Variants in GCDH observed in about 807,000 individuals in gnomAD.
The protein encoded by GCDH is glutaryl-CoA dehydrogenase, mitochondrial.
A neutral mutation model predicts 52.8 loss-of-function variants in GCDH; 31 were observed. The observed-to-expected ratio is 0.59, with a 90% CI of 0.44 to 0.79. The LOEUF (loss-of-function observed/expected upper bound fraction) is 0.79, where lower values mean the gene tolerates loss of function less well. Ranked by LOEUF, GCDH falls within the 30% of genes least tolerant of loss-of-function variation. The pLI, the probability that GCDH is intolerant of heterozygous loss-of-function variation, is 0.00. For synonymous variants in GCDH, 242 were observed against 250.0 expected (o/e 0.97, Z 0.30); for missense variants, 509 against 595.0 (o/e 0.86, Z 1.50).
In GCDH at chr19:12,896,300, G is replaced by A. The variant is rs201797364; in HGVS notation, c.731G>A (p.Gly244Asp). 6.2e-7 allele frequency: 1 copy of A among 1,614,128 alleles called. No homozygotes were observed. The highest frequency in any genetic ancestry group is 1.3e-5 in the African/African-American group (1 of 75,032). The change falls in exon 8 of 12, where the codon GGT becomes GAT. Residue 244 changes from glycine to aspartate, a missense_variant. Gly to Asp is a moderately conservative substitution (Grantham distance 94). Coordinates refer to ENST00000222214, the MANE Select transcript of GCDH (RefSeq NM_000159.4). This position sits in a 1 kb window ranked among gnomAD's most constrained non-coding sequence, Gnocchi z 5.5. ...RGFLLEKGMR[G>D]LSAPRIQGKF... is the part of the protein sequence containing the mutation. ...TTCCTGCTGGAGAAGGGGATGCGGG[G>A]TCTCTCGGCCCCCAGGATCCAGGGC... is the stretch of plus-strand genomic sequence containing the variant.
At chr19:12,895,491 C>A (rs1970651195) in intron 6 of GCDH, among the ~76,000 whole-genome samples, 1 of 152,006 alleles carries the variant, frequency 6.6e-6, no homozygotes. Context: ...GAACTCCAGA[C>A]CTCAAGTGAT....
chr19:12,894,062 C>G (rs1264835842), intron 6 of GCDH: 2 of 694,184 alleles, frequency 2.9e-6, no homozygotes, highest in Non-Finnish European at 5.0e-6. Context: ...AAGGAAAGAG[C>G]CTATGTGACC....
In GCDH at chr19:12,897,017, T is replaced by C; in HGVS notation, c.956+4T>C. 6.2e-7 allele frequency: 1 copy of C among 1,602,284 alleles called. No homozygotes were observed. The highest frequency in any genetic ancestry group is 8.5e-7 in the Non-Finnish European group (1 of 1,171,162). ...CCCGGCAGTACGCCCTCGACAGGTG[T>C]GTGAGGGCTGCAGTGAGATTCTCTG... On this transcript the variant is annotated splice_donor_region_variant and intron_variant, in intron 9 of 11. Transcript: ENST00000222214.
Position 12,896,317 on chromosome 19 carries a change from A to T in GCDH, c.748A>T (p.Ile250Phe), listed in dbSNP as rs1599615059. Residue 250 changes from isoleucine (I) to phenylalanine (F), a missense_variant, in exon 8 of 12, where the codon ATC (isoleucine) becomes TTC (phenylalanine). Physicochemically the swap from Ile to Phe is conservative, Grantham distance 21. Coordinates refer to ENST00000222214, the MANE Select transcript of GCDH (RefSeq NM_000159.4). This position sits in a 1 kb window ranked among gnomAD's most constrained non-coding sequence, Gnocchi z 5.5. Reference protein sequence around the residue: ...KGMRGLSAPRIQGKFSLRASA... With the variant: ...KGMRGLSAPRFQGKFSLRASA... Reference sequence around the variant, plus strand: ...GATGCGGGGTCTCTCGGCCCCCAGGATCCAGGGCAAGTTCTCGCTGCGGGC... The same window carrying T: ...GATGCGGGGTCTCTCGGCCCCCAGGTTCCAGGGCAAGTTCTCGCTGCGGGC... 3 of 1,614,148 alleles carry T rather than the reference A, an allele frequency of 1.9e-6. No individual in the cohort carries two copies. Among genetic ancestry groups the T allele is most frequent in the South Asian group, 1.1e-5 (1 of 91,076 alleles).
Position 12,896,799 on chromosome 19 carries a change from C to T in GCDH, c.853-111C>T, listed in dbSNP as rs1195323862. 12 of 757,648 alleles carry T rather than the reference C, an allele frequency of 1.6e-5. No homozygotes were observed. The East Asian group carries it at 1.9e-4, about 12-fold the overall frequency. 46.9% of individuals were successfully genotyped at this position (757,648 alleles called of 1,614,324 possible). A position where few individuals can be genotyped will look rare whatever the true frequency, so the allele number is the denominator to read the frequency against. On this transcript the variant is annotated intron_variant, in intron 8 of 11. Coordinates refer to ENST00000222214, the MANE Select transcript of GCDH (RefSeq NM_000159.4). The surrounding 1 kb of genome is among the most constrained non-coding windows in gnomAD (Gnocchi z 5.5). ...CTGTGATGTGAACCACAACCTGAGT[C>T]CCCCTGCGTGGGGTGGCTGGGGAGG...
At position 12,891,555 on chromosome 19, in the gene GCDH, G is replaced by A. The variant is rs781654177; in HGVS notation, c.127+33G>A. The A allele has an allele frequency of 5.0e-6, 8 of 1,613,986 alleles. No individual in the cohort carries two copies. The Admixed American group carries it at 1.0e-4, about 20-fold the overall frequency. Reference sequence around the variant, plus strand: ...CCTCTGGTCGCACCGTGTGTCTGCTGCCCCTGTTCAGCTGTCTGTCTGCCG... The same window carrying A: ...CCTCTGGTCGCACCGTGTGTCTGCTACCCCTGTTCAGCTGTCTGTCTGCCG... On this transcript the variant is annotated intron_variant, in intron 3 of 11. Transcript: ENST00000222214.
At position 12,895,977 on chromosome 19, in the gene GCDH, G is replaced by A. The variant is rs763798754; in HGVS notation, c.506-15G>A. ...AGGGACCAGGCAGCCTTGTGACTTT[G>A]TCTTGTGCCTGCAGCCAAGGGGGAG... On this transcript the variant is annotated splice_polypyrimidine_tract_variant and intron_variant, in intron 6 of 11. Coordinates refer to ENST00000222214, the MANE Select transcript of GCDH (RefSeq NM_000159.4). 5 of 1,613,864 alleles carry A rather than the reference G, an allele frequency of 3.1e-6. No individual in the cohort carries two copies. In the East Asian group the frequency reaches 1.1e-4, roughly 36 times the overall value.
In GCDH at chr19:12,891,905, A is replaced by G; in HGVS notation, c.202A>G (p.Arg68Gly). Residue 68 changes from arginine (R) to glycine (G), a missense_variant, in exon 4 of 12, where the codon AGG becomes GGG. By Grantham distance (125) the Arg-to-Gly change is moderately radical. Transcript: ENST00000222214. ...EQLTTDEILIRDTFRTYCQER... is the reference protein window; with the variant it reads ...EQLTTDEILIGDTFRTYCQER... ...GCTGACCACAGATGAGATCCTCATC[A>G]GGGACACCTTCCGCACCTACTGCCA... 1 of 1,614,038 alleles carries G rather than the reference A, an allele frequency of 6.2e-7. No homozygotes were observed. Among genetic ancestry groups the G allele is most frequent in the South Asian group, 1.1e-5 (1 of 91,080 alleles).
In GCDH at chr19:12,893,640, C is replaced by A; in HGVS notation, c.492C>A (p.Tyr164Ter). The change falls in exon 6 of 12, where the codon TAC becomes TAA. Residue 164 changes from tyrosine to a stop codon, truncating the protein, a stop_gained. Transcript: ENST00000222214. LOFTEE classifies it high-confidence loss of function. ...GCAGCGAGGAACAGCGGCAGAAGTA[C>A]CTGCCCCAGCTGGGTGAGTGGCTGC... is the stretch of plus-strand genomic sequence containing the variant. ...AYGSEEQRQK[Y>*]LPQLAKGELL... 6.2e-7 allele frequency: 1 copy of A among 1,613,940 alleles called. No homozygotes were observed. Among genetic ancestry groups the A allele is most frequent in the South Asian group, 1.1e-5 (1 of 91,082 alleles).
At chr19:12,897,208 G>C in intron 9 of GCDH, 95 bp from the exon 10 acceptor site, 1 of 1,521,814 alleles carries the variant, frequency 6.6e-7, no homozygotes. Context: ...CACTGAGGCA[G>C]CCTGGGAAGG....
Position 12,891,859 on chromosome 19 carries a change from C to A in GCDH, c.156C>A (p.Asp52Glu). The change falls in exon 4 of 12, where the codon GAC becomes GAA. Residue 52 changes from aspartate (D) to glutamate (E), a missense_variant. Physicochemically the swap from Asp to Glu is conservative, Grantham distance 45 (BLOSUM62 2). Transcript: ENST00000222214. ...CGCGTCCCGAGTTTGACTGGCAGGA[C>A]CCGCTGGTGCTGGAGGAGCAGCTGA... is the stretch of plus-strand genomic sequence containing the variant. ...KSSRPEFDWQ[D>E]PLVLEEQLTT... is the part of the protein sequence containing the mutation. The A allele has an allele frequency of 6.2e-7, 1 of 1,613,948 alleles. No homozygotes were observed. Among genetic ancestry groups the A allele is most frequent in the Non-Finnish European group, 8.5e-7 (1 of 1,179,974 alleles).
rs752609314 is a variant in GCDH at position 12,891,512 on chromosome 19, A to G, written c.117A>G (p.Gln39=). 8.1e-6 allele frequency: 13 copies of G among 1,614,102 alleles called. No individual in the cohort carries two copies. The highest frequency in any genetic ancestry group is 1.3e-5 in the African/African-American group (1 of 74,932). The change falls in exon 3 of 12, where the codon CAA becomes CAG. Residue 39 remains glutamine, a synonymous_variant. Coordinates refer to ENST00000222214, the MANE Select transcript of GCDH (RefSeq NM_000159.4). ...AGAAAGGCGGGAGAACACAGAGCCA[A>G]CTGGCTAAGTGTAAGGACCTCTGGT... ...QTEKGGRTQS[Q]LAKSSRPEFD...
chr19:12,897,078 C>G (rs1970698967), intron 9 of GCDH, 65 bp downstream of exon 9: 1 of 1,338,786 alleles, frequency 7.5e-7, no homozygotes, highest in Non-Finnish European at 1.1e-6. Flanking sequence ...CTCTCTATAC[C>G]ATGGGTGACT....
rs573195073 is a variant in GCDH at position 12,896,461 on chromosome 19, T to C, written c.852+40T>C. 1.4e-6 allele frequency: 2 copies of C among 1,471,122 alleles called. No homozygotes were observed. The highest frequency in any genetic ancestry group is 1.9e-6 in the Non-Finnish European group (2 of 1,061,890). The allele number at this position is 1,471,122 out of a possible 1,614,324, so 91.1% of individuals were successfully genotyped here. On this transcript the variant is annotated intron_variant, in intron 8 of 11. Transcript: ENST00000222214. The surrounding 1 kb of genome is among the most constrained non-coding windows in gnomAD (Gnocchi z 5.5). ...CTTTGGGAATGGGTGTTGGGTCACCTGCGGATGCGGCTTTGTCAGGCAGGC... is the reference window on the plus strand; with the variant it reads ...CTTTGGGAATGGGTGTTGGGTCACCCGCGGATGCGGCTTTGTCAGGCAGGC...
At position 12,897,322 on chromosome 19, in the gene GCDH, C is replaced by T. The variant is rs907822395; in HGVS notation, c.976C>T (p.Leu326=). 17 of 1,613,742 alleles carry T rather than the reference C, an allele frequency of 1.1e-5. No individual in the cohort carries two copies. Among genetic ancestry groups the T allele is most frequent in the East Asian group, 2.2e-5 (1 of 44,892 alleles). ...ATGTAGGATGCAGTTTGGTGTCCCA[C>T]TGGCCAGGAACCAGCTGATTCAGAA... The part of the protein sequence containing the change: ...ALDRMQFGVP[L]ARNQLIQKKL... The change falls in exon 10 of 12, where the codon CTG becomes TTG. Residue 326 remains leucine (L), a synonymous_variant. Transcript: ENST00000222214.
In GCDH at chr19:12,893,412, C is replaced by T. The variant is rs1393817014; in HGVS notation, c.335-71C>T. 2.2e-6 allele frequency: 3 copies of T among 1,367,654 alleles called. No homozygotes were observed. The South Asian group carries it at 3.5e-5, about 16-fold the overall frequency. 84.7% of individuals were successfully genotyped at this position (1,367,654 alleles called of 1,614,324 possible). On this transcript the variant is annotated intron_variant, in intron 5 of 11. Coordinates refer to ENST00000222214, the MANE Select transcript of GCDH (RefSeq NM_000159.4). ...CCTCCTTGTGTGTCCTTATTCAGCC[C>T]TGTCTCTTGGGTCTTAGCTGGGCAG...
chr19:12,894,756 A>G, intron 6 of GCDH: 3 of 833,580 alleles, frequency 3.6e-6, no homozygotes, highest in Non-Finnish European at 5.5e-6. Flanking sequence ...GAGGCTGCAG[A>G]ATATGCTAAA....
At chr19:12,892,383 C>G in intron 5 of GCDH, 1 of 620,236 alleles carries the variant, frequency 1.6e-6, no homozygotes, top group Non-Finnish European at 2.9e-6. Context: ...ATTCTGCCTC[C>G]CAGGCTCAAG....
rs1568428641 is a variant in GCDH at position 12,897,340 on chromosome 19, A to G, written c.994A>G (p.Ile332Val). ...TGTCCCACTGGCCAGGAACCAGCTG[A>G]TTCAGAAGAAGCTGGCAGACATGCT... is the stretch of plus-strand genomic sequence containing the variant. The part of the protein sequence containing the change: ...FGVPLARNQL[I>V]QKKLADMLTE... The change falls in exon 10 of 12, where the codon ATT (isoleucine) becomes GTT (valine). Residue 332 changes from isoleucine (I) to valine (V), a missense_variant. Physicochemically the swap from Ile to Val is conservative, Grantham distance 29 (BLOSUM62 3). Coordinates refer to ENST00000222214, the MANE Select transcript of GCDH (RefSeq NM_000159.4). The G allele has an allele frequency of 6.2e-7, 1 of 1,613,660 alleles. No individual in the cohort carries two copies. The highest frequency in any genetic ancestry group is 1.1e-5 in the South Asian group (1 of 91,082).
Sources: gnomAD v4.1 joint callset for allele counts (sites outside exome capture counted in the v4.1 genomes callset) on GRCh38, gnomAD v4.1.1 for gene constraint, Gnocchi (gnomAD v3.1) non-coding constraint, MANE v1.5 for transcripts, NCBI Gene and HGNC (gene_info 2026-07-23, HGNC 2026-07-21) for gene names.